Variants in CARD9 observed in about 807,000 individuals in gnomAD.
CARD9 encodes caspase recruitment domain family member 9, also known as caspase recruitment domain-containing protein 9.
A neutral mutation model predicts 66.0 loss-of-function variants in CARD9; 53 were observed. That is an observed-to-expected ratio of 0.80 (90% confidence interval 0.64 to 1.01). The LOEUF (loss-of-function observed/expected upper bound fraction) is 1.01, where lower values mean the gene tolerates loss of function less well. Among genes scored for constraint, CARD9 ranks in the 50% least tolerant of loss-of-function variants. The pLI is 0.00. For missense variants in CARD9, 769 were observed against 743.2 expected (o/e 1.03, Z -0.40); for synonymous variants, 387 against 313.8 (o/e 1.23, Z -2.47).
intron 7 of CARD9, among the ~76,000 whole-genome samples, chr9:136,368,209 A>G (rs919885340): frequency 6.6e-6 from 1 of 152,234 alleles, no homozygotes; most frequent in African/African-American, 2.4e-5. Context: ...CACTGCGGAC[A>G]CTGAGACGCA....
At chr9:136,369,576 C>A (rs939364842) in intron 7 of CARD9, among the ~76,000 whole-genome samples, 174 bp downstream of exon 7, 2 of 152,114 alleles carry the variant, frequency 1.3e-5, no homozygotes, top group Non-Finnish European at 2.9e-5. Flanking sequence ...AGGCTGAGGC[C>A]GGAGGATTGC....
rs1833050508 is a variant in CARD9, at chr9:136,364,072, C to T, written c.*230G>A. 1.3e-6 allele frequency: 2 copies of T among 1,546,636 alleles called. No homozygotes were observed. Among genetic ancestry groups the T allele is most frequent in the East Asian group, 4.9e-5 (2 of 41,036 alleles). ...ACAGATCCTGAAGTTACACAGATGG[C>T]GTGTGCATGGGGGTGGTGAGCACCC... On this transcript the variant is annotated 3_prime_UTR_variant, in exon 13 of 13. Coordinates refer to ENST00000371732, the MANE Select transcript of CARD9 (RefSeq NM_052813.5).
At chr9:136,365,316 C>G in intron 10 of CARD9, 99 bp from the exon 11 acceptor site, 2 of 1,164,214 alleles carry the variant, frequency 1.7e-6, no homozygotes, top group Non-Finnish European at 2.5e-6. Flanking sequence ...GGGCTGTCTT[C>G]CAAGGCCTGG....
chr9:136,366,659 C>T, intron 10 of CARD9, 141 bp downstream of exon 10: 6 of 910,732 alleles, frequency 6.6e-6, no homozygotes, highest in South Asian at 1.4e-5. Flanking sequence ...TTTTACTTAT[C>T]CCCAGCCCCA....
At chr9:136,372,827 C>T (rs1406496393) in intron 1 of CARD9, among the ~76,000 whole-genome samples, 1 of 152,228 alleles carries the variant, frequency 6.6e-6, no homozygotes, top group Non-Finnish European at 1.5e-5. Context: ...CTGGGAGGGG[C>T]TGTCAGTGTT....
intron 9 of CARD9, 110 bp downstream of exon 9, chr9:136,367,106 C>T: frequency 7.7e-7 from 1 of 1,307,174 alleles, no homozygotes. Context: ...CCAGCCCAGC[C>T]CACCGAGCAG....
rs1489924914 is a variant in CARD9, at chr9:136,364,487, G to A, written c.1507C>T (p.Arg503Cys). Reference protein sequence around the residue: ...RRLKESFENYRRKRALRKMQK... With the variant: ...RRLKESFENYCRKRALRKMQK... ...GCCTGGGGGCCGCCCGCCTACCTGC[G>A]GTAGTTCTCAAAACTCTCTTTGAGG... The change falls in exon 12 of 13, where the codon CGC becomes TGC. Residue 503 changes from arginine to cysteine, a missense_variant. Transcript: ENST00000371732. The A allele has an allele frequency of 2.6e-6, 4 of 1,539,974 alleles. No individual in the cohort carries two copies. The East Asian group carries it at 7.3e-5, about 28-fold the overall frequency.
Position 136,370,455 on chromosome 9 carries a change from C to CA in CARD9, c.808-19dup. 6.2e-7 allele frequency: 1 copy of CA among 1,608,704 alleles called. No individual in the cohort carries two copies. Among genetic ancestry groups the CA allele is most frequent in the Non-Finnish European group, 8.5e-7 (1 of 1,178,440 alleles). ...TTCCCCTCCTGAAGGGGGCAAAAGG[C>CA]AATGGCCTGGCTGGGAAGGCCCCCA... is the stretch of plus-strand genomic sequence containing the variant. On this transcript the variant is annotated intron_variant, in intron 5 of 12. Transcript: ENST00000371732.
chr9:136,373,230 G>C (rs1447374771), intron 1 of CARD9, among the ~76,000 whole-genome samples: 1 of 152,248 alleles, frequency 6.6e-6, no homozygotes, highest in East Asian at 1.9e-4. Context: ...CCCCATTCAG[G>C]ACAGTTTTGA....
Position 136,364,211 on chromosome 9 carries a change from G to A in CARD9, c.*91C>T, listed in dbSNP as rs575950741. 3.7e-5 allele frequency: 57 copies of A among 1,550,526 alleles called. 1 individual carries two copies. The African/African-American group carries it at 6.6e-4, about 18-fold the overall frequency. The stretch of plus-strand genomic sequence containing the variant: ...TTCCAGGCCAAGTCAGCGACGGCTC[G>A]GGGAAGTCTGCGCCCCAGGGCGTCG... On this transcript the variant is annotated 3_prime_UTR_variant, in exon 13 of 13. Coordinates refer to ENST00000371732, the MANE Select transcript of CARD9 (RefSeq NM_052813.5).
chr9:136,365,066 C>T, intron 11 of CARD9, 75 bp downstream of exon 11: 1 of 1,456,138 alleles, frequency 6.9e-7, no homozygotes, highest in Non-Finnish European at 9.5e-7. Context: ...GTGCCCAGGG[C>T]AGGGAGCCAC....
chr9:136,371,189 G>A, intron 3 of CARD9, 44 bp from the exon 4 acceptor site: 1 of 1,606,110 alleles, frequency 6.2e-7, no homozygotes, highest in Non-Finnish European at 8.5e-7. Context: ...TTCCCCGGTG[G>A]CCCAGCTCCA....
chr9:136,369,437 G>A (rs1040092509), intron 7 of CARD9, among the ~76,000 whole-genome samples: 1 of 152,234 alleles, frequency 6.6e-6, no homozygotes, highest in Non-Finnish European at 1.5e-5. Flanking sequence ...GGTTTTCCCT[G>A]ACAGTAGGCT....
chr9:136,372,626 T>C (rs1833302788), intron 1 of CARD9, among the ~76,000 whole-genome samples: 1 of 152,208 alleles, frequency 6.6e-6, no homozygotes, highest in Non-Finnish European at 1.5e-5. Flanking sequence ...GAGCCGGTTC[T>C]TGTGGGACTT....
chr9:136,371,453 G>A lies in CARD9; in HGVS notation c.193C>T (p.Leu65=). Residue 65 remains leucine (L), a synonymous_variant, in exon 3 of 13, where the codon CTG becomes TTG. Transcript: ENST00000371732. The part of the protein sequence containing the change: ...VIRKRKVGVL[L]DILQRTGHKG... ...TGGCCGGTCCGCTGCAGGATGTCCA[G>A]GAGCACACCTGCGGGCCAGAGAGGC... The A allele has an allele frequency of 6.3e-7, 1 of 1,579,874 alleles. No individual in the cohort carries two copies. The highest frequency in any genetic ancestry group is 8.6e-7 in the Non-Finnish European group (1 of 1,162,194).
chr9:136,365,228 G>C lies in CARD9; in HGVS notation c.1358-11C>G. 6.2e-7 allele frequency: 1 copy of C among 1,606,628 alleles called. No individual in the cohort carries two copies. Among genetic ancestry groups the C allele is most frequent in the Admixed American group, 1.7e-5 (1 of 59,986 alleles). ...CGCCGGCAAGGCAGCCTGGAAAGGA[G>C]AGTCGTGCCTGTGGGACCTGCCCAT... On this transcript the variant is annotated splice_polypyrimidine_tract_variant and intron_variant, in intron 10 of 12. Coordinates refer to ENST00000371732, the MANE Select transcript of CARD9 (RefSeq NM_052813.5).
rs149308743 is a variant in CARD9 at position 136,364,513 on chromosome 9, C to T, written c.1481G>A (p.Arg494His). Residue 494 changes from arginine to histidine, a missense_variant, in exon 12 of 13, where the codon CGC (arginine) becomes CAC (histidine). Transcript: ENST00000371732. ...GTAGTTCTCAAAACTCTCTTTGAGG[C>T]GCCGCCGCTCCTTCTCGGGCGGCTC... ...SGEPPEKERRRLKESFENYRR... is the reference protein window; with the variant it reads ...SGEPPEKERRHLKESFENYRR... 281 of 1,539,110 alleles carry T rather than the reference C, an allele frequency of 1.8e-4. 1 individual carries two copies. The East Asian group carries it at 6.6e-3, about 36-fold the overall frequency.
In CARD9 at chr9:136,368,167, G is replaced by A. The variant is rs539800735; in HGVS notation, c.1078-339C>T. Among the ~76,000 whole-genome samples, 14 of 152,334 alleles carry A rather than the reference G, an allele frequency of 9.2e-5. 1 individual carries two copies. The highest frequency in any genetic ancestry group is 5.8e-4 in the East Asian group (3 of 5,180). ...GACTGTCCATAGCTAAGCGTCCTTC[G>A]TGACCGCAGCACTCTTTACCACCCC... On this transcript the variant is annotated intron_variant, in intron 7 of 12. Transcript: ENST00000371732.
At chr9:136,366,253 T>C in intron 10 of CARD9, 1 of 166,594 alleles carries the variant, frequency 6.0e-6, no homozygotes, top group East Asian at 1.7e-4. Context: ...GGGCCTGCCC[T>C]GCCCGCTAGA....
Sources: allele counts gnomAD v4.1 joint callset (sites outside exome capture counted in the v4.1 genomes callset), GRCh38; gene constraint gnomAD v4.1.1; transcripts MANE v1.5; gene names NCBI Gene and HGNC (gene_info 2026-07-23, HGNC 2026-07-21).